Variants in CLNK observed in about 807,000 individuals in gnomAD.
CLNK encodes the protein cytokine-dependent hematopoietic cell linker.
In CLNK, 74 loss-of-function variants were observed where a neutral mutation model predicts 68.6. That is an observed-to-expected ratio of 1.08 (90% confidence interval 0.89 to 1.31). The LOEUF is 1.31. CLNK is among the 50% of genes most tolerant of loss of function. The pLI, the probability that CLNK is intolerant of heterozygous loss-of-function variation, is 0.00. For missense variants in CLNK, 553 were observed against 515.3 expected (o/e 1.07, Z -0.71); for synonymous variants, 198 against 172.2 (o/e 1.15, Z -1.17).
intron 2 of CLNK, among the ~76,000 whole-genome samples, chr4:10,637,200 G>A (rs1723124363): frequency 6.6e-6 from 1 of 152,152 alleles, no homozygotes. Flanking sequence ...CCAGCCTCAG[G>A]CAAGGCCATG....
At chr4:10,500,571 T>A (rs1577088451) in intron 18 of CLNK, among the ~76,000 whole-genome samples, 1 of 151,784 alleles carries the variant, frequency 6.6e-6, no homozygotes, top group African/African-American at 2.4e-5. Flanking sequence ...TTCCCGCTAC[T>A]CAGGAGGCTG....
intron 2 of CLNK, among the ~76,000 whole-genome samples, chr4:10,661,417 C>T (rs1378006840): frequency 2.0e-5 from 3 of 152,198 alleles, no homozygotes; most frequent in Non-Finnish European, 2.9e-5. Context: ...AATACACAAG[C>T]ATGATGTTCT....
chr4:10,638,059 C>T (rs545330529), intron 2 of CLNK, among the ~76,000 whole-genome samples: 70 of 152,320 alleles, frequency 4.6e-4, no homozygotes, highest in Middle Eastern at 3.4e-3. Flanking sequence ...AAGCCAGTGG[C>T]AGGTCCAAAC....
At chr4:10,499,332 C>T (rs187263776) in intron 18 of CLNK, among the ~76,000 whole-genome samples, 27 of 152,324 alleles carry the variant, frequency 1.8e-4, no homozygotes, top group Admixed American at 3.9e-4. Context: ...AGGCACCCCT[C>T]TGTGCAGAAC....
intron 2 of CLNK, among the ~76,000 whole-genome samples, chr4:10,644,032 G>T (rs532942217): frequency 6.6e-6 from 1 of 152,346 alleles, no homozygotes; most frequent in African/African-American, 2.4e-5. Context: ...TGGGGCAAGG[G>T]GGCAAGAAGG....
chr4:10,566,308 G>A (rs944618071), intron 5 of CLNK, among the ~76,000 whole-genome samples, 158 bp from the exon 6 acceptor site: 2 of 152,172 alleles, frequency 1.3e-5, no homozygotes, highest in Non-Finnish European at 2.9e-5. Context: ...TTTAATTCTT[G>A]TGCTAGTGAG....
chr4:10,695,107 T>G, the CLNK span, among the ~76,000 whole-genome samples: 2 of 152,156 alleles, frequency 1.3e-5, no homozygotes, highest in South Asian at 2.1e-4. Context: ...GAGGAGTCAG[T>G]TCTAGTAAGC....
the CLNK span, among the ~76,000 whole-genome samples, chr4:10,712,168 C>A: frequency 2.0e-5 from 3 of 152,124 alleles, no homozygotes; most frequent in Admixed American, 6.5e-5. Context: ...TATTGTGAGA[C>A]CTTTACCCCT....
chr4:10,700,960 T>G, the CLNK span, among the ~76,000 whole-genome samples: 2 of 152,224 alleles, frequency 1.3e-5, no homozygotes, highest in Admixed American at 1.3e-4. Flanking sequence ...TTGAAACATT[T>G]CAGCAAATTG....
At chr4:10,714,826 G>A in the CLNK span, among the ~76,000 whole-genome samples, 1 of 151,976 alleles carries the variant, frequency 6.6e-6, no homozygotes, top group African/African-American at 2.4e-5. Context: ...TTAGTCTTTT[G>A]TCAAGCCACT....
chr4:10,651,808 G>C (rs1437489922), intron 2 of CLNK, among the ~76,000 whole-genome samples: 4 of 151,976 alleles, frequency 2.6e-5, no homozygotes, highest in African/African-American at 9.7e-5. Context: ...TACTCTACAA[G>C]ACTGTAAATA....
At chr4:10,561,192 C>T (rs952651566) in intron 7 of CLNK, among the ~76,000 whole-genome samples, 42 of 152,108 alleles carry the variant, frequency 2.8e-4, no homozygotes, top group Admixed American at 2.0e-3. Context: ...TGAACTACTG[C>T]ACCTGGCTAA....
At chr4:10,561,404 T>C (rs906833509) in intron 7 of CLNK, among the ~76,000 whole-genome samples, 1 of 152,128 alleles carries the variant, frequency 6.6e-6, no homozygotes, top group African/African-American at 2.4e-5. Flanking sequence ...AAAGATGATA[T>C]GAAGGAATAG....
At chr4:10,643,050 A>G (rs2108876967) in intron 2 of CLNK, among the ~76,000 whole-genome samples, 1 of 152,224 alleles carries the variant, frequency 6.6e-6, no homozygotes, top group South Asian at 2.1e-4. Context: ...GATACTTAAA[A>G]CCGTGCGGTT....
intron 14 of CLNK, among the ~76,000 whole-genome samples, chr4:10,524,748 C>T (rs946979996): frequency 6.6e-5 from 10 of 152,054 alleles, no homozygotes; most frequent in Middle Eastern, 3.2e-3. Context: ...ATTCATTAAG[C>T]TTTAAGCTGG....
chr4:10,637,583 CTTTTTTTTT>C (rs1158317670), intron 2 of CLNK, among the ~76,000 whole-genome samples: 4 of 71,416 alleles, frequency 5.6e-5, no homozygotes, highest in Non-Finnish European at 9.7e-5. Flanking sequence ...CACCATTCCT[CTTTTTTTTT>C]TTTTTTTTTT....
At chr4:10,587,829 C>T (rs1005074363) in intron 3 of CLNK, among the ~76,000 whole-genome samples, 8 of 152,160 alleles carry the variant, frequency 5.3e-5, no homozygotes, top group Non-Finnish European at 7.3e-5. Flanking sequence ...GTCTCCCCTA[C>T]CCCAGGCCTA....
At chr4:10,544,649 T>G (rs1309980544) in intron 8 of CLNK, among the ~76,000 whole-genome samples, 1 of 152,132 alleles carries the variant, frequency 6.6e-6, no homozygotes, top group Non-Finnish European at 1.5e-5. Context: ...GTGGATATCT[T>G]GGGAAGGGGA....
At chr4:10,658,696 G>A (rs79935097) in intron 2 of CLNK, among the ~76,000 whole-genome samples, 404 of 152,294 alleles carry the variant, frequency 2.7e-3, no homozygotes, top group Non-Finnish European at 4.6e-3. Context: ...GCTTCTAAAG[G>A]CAGGAAGCAG....
Sources: allele counts gnomAD v4.1 joint callset (sites outside exome capture counted in the v4.1 genomes callset), GRCh38; gene constraint gnomAD v4.1.1; transcripts MANE v1.5; gene names NCBI Gene and HGNC (gene_info 2026-07-23, HGNC 2026-07-21).